The following ZNF618 variants were observed in gnomAD, a reference collection of about 807,000 sequenced individuals.
ZNF618 encodes zinc finger protein 618, also known as neural precursor cell expressed, developmentally down-regulated 10.
ZNF618 carries 34 observed loss-of-function variants against 103.0 expected under a neutral mutation model. That is an observed-to-expected ratio of 0.33 (90% CI 0.25 to 0.44). ZNF618 has a LOEUF of 0.44. ZNF618 is among the 20% of genes least tolerant of loss of function. The pLI is 1.00. For synonymous variants in ZNF618, 551 were observed against 542.2 expected, an observed-to-expected ratio of 1.02 and a Z score of -0.23; for missense variants, 1,059 against 1,295.4, an observed-to-expected ratio of 0.82 and a Z score of 2.80.
rs1367093750 is a variant in ZNF618 at position 114,053,339 on chromosome 9, G to T, written c.*3172G>T. ...GAAGGATTTTGTCGTCTGCCTCCCA[G>T]TTCTGGGTCCACTGTAGGTCTTTCC... On this transcript the variant is annotated 3_prime_UTR_variant, in exon 15 of 15. Coordinates refer to ENST00000374126, the MANE Select transcript of ZNF618 (RefSeq NM_001318042.2). 1.3e-5 allele frequency: 2 copies of T among 152,396 alleles called. No individual in the cohort carries two copies. The highest frequency in any genetic ancestry group is 2.9e-5 in the Non-Finnish European group (2 of 68,110). The allele number at this position is 152,396 out of a possible 1,614,324, so 9.4% of individuals were successfully genotyped here.
intron 1 of ZNF618, among the ~76,000 whole-genome samples, chr9:113,948,218 A>AT (rs1245537260): frequency 6.6e-6 from 1 of 152,166 alleles, no homozygotes; most frequent in African/African-American, 2.4e-5. Context: ...CTCCATCGCC[A>AT]TTGTCAACCC....
At chr9:113,941,253 T>C in intron 1 of ZNF618, among the ~76,000 whole-genome samples, 1 of 152,334 alleles carries the variant, frequency 6.6e-6, no homozygotes, top group East Asian at 1.9e-4. Context: ...TTCCTCATTC[T>C]CCTTCCATAG....
At chr9:113,892,835 A>G (rs888238923) in intron 1 of ZNF618, among the ~76,000 whole-genome samples, 1 of 152,226 alleles carries the variant, frequency 6.6e-6, no homozygotes, top group Non-Finnish European at 1.5e-5. Context: ...TATAACGCCA[A>G]TAATTGAATG....
At chr9:113,892,205 C>G (rs992936436) in intron 1 of ZNF618, among the ~76,000 whole-genome samples, 15 of 152,218 alleles carry the variant, frequency 9.9e-5, no homozygotes, top group African/African-American at 2.4e-4. Context: ...CCCCGCCCCC[C>G]CAATATAAAA....
At chr9:114,009,122 C>T (rs1224129455) in intron 9 of ZNF618, among the ~76,000 whole-genome samples, 1 of 152,150 alleles carries the variant, frequency 6.6e-6, no homozygotes, top group Admixed American at 6.5e-5. Flanking sequence ...GTGTTGTGGG[C>T]ACACAGCTGA....
rs375196250 is a variant in ZNF618, at chr9:114,049,693, G to C, written c.2391G>C (p.Lys797Asn). The change falls in exon 15 of 15, where the codon AAG (lysine) becomes AAC (asparagine). Residue 797 changes from lysine to asparagine, a missense_variant. By Grantham distance (94) the Lys-to-Asn change is moderately conservative. Coordinates refer to ENST00000374126, the MANE Select transcript of ZNF618 (RefSeq NM_001318042.2). Reference sequence around the variant, plus strand: ...TGGAGGCGCTCAAGGAGAACTTCAAGGTGCACCCGGCCCACAAGGTGGCCA... The same window carrying C: ...TGGAGGCGCTCAAGGAGAACTTCAACGTGCACCCGGCCCACAAGGTGGCCA... ...LFLEALKENF[K>N]VHPAHKVAMI... 6.2e-7 allele frequency: 1 copy of C among 1,613,854 alleles called. No homozygotes were observed. Among genetic ancestry groups the C allele is most frequent in the Non-Finnish European group, 8.5e-7 (1 of 1,179,894 alleles).
chr9:113,912,928 T>C (rs1179001280), intron 1 of ZNF618, among the ~76,000 whole-genome samples: 3 of 152,152 alleles, frequency 2.0e-5, no homozygotes, highest in Non-Finnish European at 4.4e-5. Flanking sequence ...CCAGGGAACC[T>C]TGGGCCTTCA....
At chr9:113,973,298 A>G (rs12005382) in intron 2 of ZNF618, among the ~76,000 whole-genome samples, 99 of 152,250 alleles carry the variant, frequency 6.5e-4, no homozygotes, top group African/African-American at 2.3e-3. Flanking sequence ...CAGCCCTCCA[A>G]CGTGGGCTTC....
At chr9:113,948,961 G>T (rs7853673) in intron 1 of ZNF618, among the ~76,000 whole-genome samples, 1 of 152,066 alleles carries the variant, frequency 6.6e-6, no homozygotes, top group Non-Finnish European at 1.5e-5. Flanking sequence ...CTGTTCTCCC[G>T]CTTCTTCCCA....
At chr9:113,914,172 C>A (rs1461802960) in intron 1 of ZNF618, among the ~76,000 whole-genome samples, 1 of 152,084 alleles carries the variant, frequency 6.6e-6, no homozygotes, top group Non-Finnish European at 1.5e-5. Flanking sequence ...GGCGGTTGCT[C>A]CCCCGGTTCT....
intron 1 of ZNF618, among the ~76,000 whole-genome samples, chr9:113,955,116 C>T (rs1836145254): frequency 6.6e-6 from 1 of 151,336 alleles, no homozygotes; most frequent in East Asian, 1.9e-4. Flanking sequence ...TATTAAATTG[C>T]CTCCATTTAA....
At chr9:114,022,245 C>T (rs7040742) in intron 10 of ZNF618, among the ~76,000 whole-genome samples, 58,335 of 151,686 alleles carry the variant, frequency 0.38, 12,436 homozygotes, top group African/African-American at 0.57. Context: ...GTAATGTTCT[C>T]GTCTCGTTGG....
intron 1 of ZNF618, among the ~76,000 whole-genome samples, chr9:113,907,865 G>T (rs531456830): frequency 3.3e-5 from 5 of 152,294 alleles, no homozygotes; most frequent in African/African-American, 1.2e-4. Context: ...CTGATTTTAG[G>T]ATTCCCCTCC....
At chr9:113,959,862 G>A (rs1350837078) in intron 1 of ZNF618, among the ~76,000 whole-genome samples, 2 of 152,170 alleles carry the variant, frequency 1.3e-5, no homozygotes, top group African/African-American at 4.8e-5. Flanking sequence ...ACCCGCCTCG[G>A]CCTCCCAAAG....
intron 1 of ZNF618, among the ~76,000 whole-genome samples, chr9:113,926,277 C>G (rs1833086155): frequency 6.6e-6 from 1 of 151,456 alleles, no homozygotes; most frequent in Non-Finnish European, 1.5e-5. Flanking sequence ...TTTTGGACCC[C>G]TTTTGCAAAA....
chr9:113,984,612 T>G (rs943875843), intron 2 of ZNF618, among the ~76,000 whole-genome samples: 4 of 152,206 alleles, frequency 2.6e-5, no homozygotes, highest in African/African-American at 9.7e-5. Context: ...TCAGGTGGCA[T>G]GGTCAGGTGC....
At chr9:113,988,185 T>G (rs925442900) in intron 2 of ZNF618, 136 bp from the exon 3 acceptor site, 148 of 1,175,426 alleles carry the variant, frequency 1.3e-4, no homozygotes, top group Non-Finnish European at 1.6e-4. Flanking sequence ...GGGGGTTGTG[T>G]GGGAGGCTAA....
At chr9:113,915,016 A>G (rs1831938031) in intron 1 of ZNF618, among the ~76,000 whole-genome samples, 1 of 152,204 alleles carries the variant, frequency 6.6e-6, no homozygotes, top group Non-Finnish European at 1.5e-5. Flanking sequence ...TTAGCATAAA[A>G]TTGCTCATTT....
chr9:114,035,766 G>A (rs954513532), intron 12 of ZNF618, among the ~76,000 whole-genome samples: 5 of 151,418 alleles, frequency 3.3e-5, no homozygotes, highest in Admixed American at 6.6e-5. Flanking sequence ...CTCCCTTTCC[G>A]CATCAGATCC....
Sources: allele counts gnomAD v4.1 joint callset (sites outside exome capture counted in the v4.1 genomes callset), GRCh38; gene constraint gnomAD v4.1.1; transcripts MANE v1.5; gene names NCBI Gene and HGNC (gene_info 2026-07-23, HGNC 2026-07-21).